Variants in TMED8 observed in about 807,000 individuals in gnomAD.
TMED8 encodes the protein protein TMED8.
In TMED8, 15 loss-of-function variants were observed where a neutral mutation model predicts 32.7. The ratio of observed to expected loss-of-function variants is 0.46; its 90% CI spans 0.31 to 0.71. TMED8 has a LOEUF of 0.71. Ranked by LOEUF, TMED8 falls within the 30% of genes least tolerant of loss-of-function variation. The probability of loss-of-function intolerance (pLI) is 0.06; values close to 1 mark genes in which losing one functional copy is unlikely to be tolerated. For missense variants in TMED8, 390 were observed against 423.9 expected (o/e 0.92, Z 0.70); for synonymous variants, 147 against 161.4 (o/e 0.91, Z 0.68).
intron 1 of TMED8, among the ~76,000 whole-genome samples, chr14:77,371,380 T>C (rs1893676901): frequency 6.6e-6 from 1 of 152,212 alleles, no homozygotes; most frequent in Non-Finnish European, 1.5e-5. Flanking sequence ...ATGATTTAGG[T>C]TGAGCATTTT....
intron 1 of TMED8, among the ~76,000 whole-genome samples, chr14:77,358,588 C>T (rs111385966): frequency 0.22 from 33,982 of 152,122 alleles, 3,999 homozygotes; most frequent in Admixed American, 0.29. Flanking sequence ...TGAGCCACCA[C>T]GCCTAGCCCA....
At chr14:77,346,123 G>A (rs568983213) in intron 3 of TMED8, among the ~76,000 whole-genome samples, 72 of 152,132 alleles carry the variant, frequency 4.7e-4, no homozygotes, top group Non-Finnish European at 8.7e-4. Context: ...CTAACACTTC[G>A]TTTTCTGAAT....
At chr14:77,346,784 T>TTG (rs878913262) in intron 2 of TMED8, among the ~76,000 whole-genome samples, 2 of 136,276 alleles carry the variant, frequency 1.5e-5, no homozygotes, top group Non-Finnish European at 3.2e-5. Flanking sequence ...TTTTTTTTTT[T>TTG]GTCATTGTTG....
Position 77,343,375 on chromosome 14 carries a change from C to A in TMED8, c.563G>T (p.Gly188Val), listed in dbSNP as rs1381801459. Residue 188 changes from glycine (G) to valine (V), a missense_variant, in exon 5 of 6, where the codon GGT (glycine) becomes GTT (valine). By Grantham distance (109) the Gly-to-Val change is moderately radical (BLOSUM62 -3). Transcript: ENST00000216468. Reference sequence around the variant, plus strand: ...AGGTACCCGGATGGTCACCACCTCACCACGCTTCACCACCAGACGGCTGTT... The same window carrying A: ...AGGTACCCGGATGGTCACCACCTCAACACGCTTCACCACCAGACGGCTGTT... Reference protein sequence around the residue: ...EKNSRLVVKRGEVVTIRVPTH... With the variant: ...EKNSRLVVKRVEVVTIRVPTH... 6.2e-7 allele frequency: 1 copy of A among 1,614,166 alleles called. No homozygotes were observed. The highest frequency in any genetic ancestry group is 2.2e-5 in the East Asian group (1 of 44,888).
chr14:77,350,191 T>A (rs1333078412), intron 2 of TMED8, among the ~76,000 whole-genome samples: 1 of 152,186 alleles, frequency 6.6e-6, no homozygotes, highest in Admixed American at 6.5e-5. Flanking sequence ...GGGGGGTCTA[T>A]TAGATGATCC....
At chr14:77,351,820 T>TA (rs1566687827) in intron 1 of TMED8, 69 bp from the exon 2 acceptor site, 8 of 1,343,806 alleles carry the variant, frequency 6.0e-6, no homozygotes, top group Middle Eastern at 2.4e-4. Context: ...CTTGTACCTT[T>TA]AAAAAAATCT....
Position 77,338,432 on chromosome 14 carries a change from C to G in TMED8, c.*3339G>C, listed in dbSNP as rs1374995686. On this transcript the variant is annotated 3_prime_UTR_variant, in exon 6 of 6. Coordinates refer to ENST00000216468, the MANE Select transcript of TMED8 (RefSeq NM_213601.3). ...GAGGCTTCATCTACATGACTTAAGC[C>G]AAGCCTCCCTTACTTTAACTTAAGC... The G allele has an allele frequency of 6.6e-6, 1 of 152,190 alleles. No homozygotes were observed. The allele number at this position is 152,190 out of a possible 1,614,324, so 9.4% of individuals were successfully genotyped here.
intron 3 of TMED8, among the ~76,000 whole-genome samples, chr14:77,344,482 C>T (rs945098815): frequency 1.3e-5 from 2 of 152,230 alleles, no homozygotes; most frequent in African/African-American, 2.4e-5. Context: ...TGCTGCCAGA[C>T]GTCTGACTTA....
Position 77,377,026 on chromosome 14 carries a change from G to A in TMED8, c.28C>T (p.Pro10Ser). Residue 10 changes from proline (P) to serine (S), a missense_variant, in exon 1 of 6, where the codon CCG (proline) becomes TCG (serine). Pro to Ser is a moderately conservative substitution (Grantham distance 74). Coordinates refer to ENST00000216468, the MANE Select transcript of TMED8 (RefSeq NM_213601.3). ...CGGGCTGTGGGGCTCCAGGAGCCCG[G>A]CCCCTCAGCCGCCTGCAGGTCAGAC... MSDLQAAEG[P>S]GSWSPTARPG... The A allele has an allele frequency of 7.2e-7, 1 of 1,391,132 alleles. No individual in the cohort carries two copies. Among genetic ancestry groups the A allele is most frequent in the Non-Finnish European group, 9.2e-7 (1 of 1,082,604 alleles). 86.2% of individuals were successfully genotyped at this position (1,391,132 alleles called of 1,614,324 possible). A position where few individuals can be genotyped will look rare whatever the true frequency, so the allele number is the denominator to read the frequency against.
In TMED8 at chr14:77,338,285, G is replaced by A. The variant is rs1892813908; in HGVS notation, c.*3486C>T. ...ATGGCCCTACAAAGCTGTCTCTTGT[G>A]GGGGAAACTGCATTCTGTAGAGAAT... On this transcript the variant is annotated 3_prime_UTR_variant, in exon 6 of 6. Coordinates refer to ENST00000216468, the MANE Select transcript of TMED8 (RefSeq NM_213601.3). 6.6e-6 allele frequency: 1 copy of A among 152,128 alleles called. No homozygotes were observed. Among genetic ancestry groups the A allele is most frequent in the Non-Finnish European group, 1.5e-5 (1 of 68,040 alleles). The allele number at this position is 152,128 out of a possible 1,614,324, so 9.4% of individuals were successfully genotyped here. A position where few individuals can be genotyped will look rare whatever the true frequency, so the allele number is the denominator to read the frequency against.
In TMED8 at chr14:77,376,356, T is replaced by A. The variant is rs760807343; in HGVS notation, c.118+580A>T. ...CCCCAGACACTACCTATTTCAACTC[T>A]GCTTTTCATTTTTCCCACTCTAAGC... On this transcript the variant is annotated intron_variant, in intron 1 of 5. Transcript: ENST00000216468. This position sits in a 1 kb window ranked among gnomAD's most constrained non-coding sequence, Gnocchi z 4.0. Among the ~76,000 whole-genome samples, 13 of 152,262 alleles carry A rather than the reference T, an allele frequency of 8.5e-5. No individual in the cohort carries two copies. Among genetic ancestry groups the A allele is most frequent in the Non-Finnish European group, 1.8e-4 (12 of 68,042 alleles).
chr14:77,346,262 G>C, intron 3 of TMED8, 87 bp downstream of exon 3: 2 of 1,410,594 alleles, frequency 1.4e-6, no homozygotes, highest in Non-Finnish European at 1.9e-6. Flanking sequence ...AGCCACCCTC[G>C]CAGTGCTTTC....
chr14:77,349,220 A>G (rs1025441887), intron 2 of TMED8, among the ~76,000 whole-genome samples: 3 of 148,870 alleles, frequency 2.0e-5, no homozygotes, highest in African/African-American at 7.5e-5. Context: ...TGGTTCAAGC[A>G]ATTCTCTTGC....
chr14:77,342,095 G>T, intron 5 of TMED8, 107 bp from the exon 6 acceptor site: 1 of 851,834 alleles, frequency 1.2e-6, no homozygotes, highest in Non-Finnish European at 1.8e-6. Flanking sequence ...GGAGATTATT[G>T]CCCTCCTACA....
Position 77,343,310 on chromosome 14 carries a change from TC to T in TMED8, c.627del (p.Thr210ProfsTer17). 2 of 1,614,172 alleles carry T rather than the reference TC, an allele frequency of 1.2e-6. No homozygotes were observed. Among genetic ancestry groups the T allele is most frequent in the Non-Finnish European group, 1.7e-6 (2 of 1,180,028 alleles). On this transcript the variant is annotated frameshift_variant, in exon 5 of 6. Transcript: ENST00000216468. LOFTEE classifies it high-confidence loss of function. ...CCAAAGCCAATGTCATAGTCATCGG[TC>T]GCAAACTCCCAGCAGACACGCTTCC... ...PEGKRVCWEF[A>X]TDDYDIGFGV...
chr14:77,367,360 G>C (rs989786323), intron 1 of TMED8, among the ~76,000 whole-genome samples: 2 of 150,862 alleles, frequency 1.3e-5, no homozygotes, highest in African/African-American at 4.9e-5. Flanking sequence ...ACACCACCCA[G>C]GCCAAGAAAT....
chr14:77,352,743 A>T (rs890876597), intron 1 of TMED8, among the ~76,000 whole-genome samples: 13 of 152,118 alleles, frequency 8.5e-5, no homozygotes, highest in Admixed American at 7.2e-4. Flanking sequence ...CAACTCAATT[A>T]AAAAAAATTA....
In TMED8 at chr14:77,338,333, T is replaced by G. The variant is rs1411653932; in HGVS notation, c.*3438A>C. 6.6e-6 allele frequency: 1 copy of G among 152,242 alleles called. No homozygotes were observed. Among genetic ancestry groups the G allele is most frequent in the Non-Finnish European group, 1.5e-5 (1 of 68,050 alleles). The allele number at this position is 152,242 out of a possible 1,614,324, so 9.4% of individuals were successfully genotyped here. A position where few individuals can be genotyped will look rare whatever the true frequency, so the allele number is the denominator to read the frequency against. ...AATCTCCTTCTCTTATTAGGTCTTT[T>G]CTGGAGAGTCTGACACCTTTTAAGG... is the stretch of plus-strand genomic sequence containing the variant. On this transcript the variant is annotated 3_prime_UTR_variant, in exon 6 of 6. Transcript: ENST00000216468.
Position 77,336,597 on chromosome 14 carries a change from C to T in TMED8, c.*5174G>A, listed in dbSNP as rs1350163973. 6.6e-6 allele frequency: 1 copy of T among 152,148 alleles called. No individual in the cohort carries two copies. The highest frequency in any genetic ancestry group is 1.5e-5 in the Non-Finnish European group (1 of 68,040). The allele number at this position is 152,148 out of a possible 1,614,324, so 9.4% of individuals were successfully genotyped here. Reference sequence around the variant, plus strand: ...GCAGCAGTGATTTCTGAGCAAAATTCTAAGATATATTCGATAGGTTTGCTC... The same window carrying T: ...GCAGCAGTGATTTCTGAGCAAAATTTTAAGATATATTCGATAGGTTTGCTC... On this transcript the variant is annotated 3_prime_UTR_variant, in exon 6 of 6. Coordinates refer to ENST00000216468, the MANE Select transcript of TMED8 (RefSeq NM_213601.3).
Sources: gnomAD v4.1 joint callset for allele counts (sites outside exome capture counted in the v4.1 genomes callset) on GRCh38, gnomAD v4.1.1 for gene constraint, Gnocchi (gnomAD v3.1) non-coding constraint, MANE v1.5 for transcripts, NCBI Gene and HGNC (gene_info 2026-07-23, HGNC 2026-07-21) for gene names.